Variants in ZNF423 observed in about 807,000 individuals in gnomAD.
ZNF423 encodes the protein zinc finger protein 423.
Under a neutral mutation model 95.8 loss-of-function variants are expected in ZNF423, and 12 were observed. The observed-to-expected ratio is 0.13, with a 90% CI of 0.08 to 0.20. ZNF423 has a LOEUF of 0.20. ZNF423 is among the 10% of genes least tolerant of loss of function. The pLI is 1.00. For synonymous variants in ZNF423, 749 were observed against 711.9 expected (o/e 1.05, Z -0.83); for missense variants, 1,316 against 1,737.1 (o/e 0.76, Z 4.31).
Position 49,636,432 on chromosome 16 carries a change from C to T in ZNF423, c.2744G>A (p.Arg915Gln), listed in dbSNP as rs747731796. The T allele has an allele frequency of 1.2e-6, 2 of 1,613,416 alleles. No individual in the cohort carries two copies. The highest frequency in any genetic ancestry group is 1.7e-6 in the Non-Finnish European group (2 of 1,180,032). ...MEVLLQNHRL[R>Q]DHNIRPGEDD... ...CTCGCCCGGCCGGATATTGTGGTCC[C>T]GCAGCCGGTGATTCTGCAGCAGCAC... Residue 915 changes from arginine (R) to glutamine (Q), a missense_variant, in exon 4 of 8, where the codon CGG becomes CAG. This residue lies in a region of ZNF423 where 620 missense variants were observed against 775.6 expected (regional missense o/e 0.80). Coordinates refer to ENST00000563137, the MANE Select transcript of ZNF423 (RefSeq NM_001379286.1). The surrounding 1 kb of genome is among the most constrained non-coding windows in gnomAD (Gnocchi z 8.6).
chr16:49,592,794 G>A (rs554223317), intron 5 of ZNF423, among the ~76,000 whole-genome samples: 1 of 152,146 alleles, frequency 6.6e-6, no homozygotes. Flanking sequence ...CTATCCCCTC[G>A]CCTCCCCTCC....
intron 1 of ZNF423, among the ~76,000 whole-genome samples, chr16:49,801,982 G>A (rs555883218): frequency 6.6e-6 from 1 of 152,216 alleles, no homozygotes; most frequent in South Asian, 2.1e-4. Flanking sequence ...CCAAGTAGCT[G>A]AGACTAGAGG....
Position 49,682,373 on chromosome 16 carries a change from C to T in ZNF423, c.302-43499G>A, listed in dbSNP as rs908955408. 8.5e-5 allele frequency among the ~76,000 whole-genome samples: 13 copies of T among 152,330 alleles called. 1 individual carries two copies. Among genetic ancestry groups the T allele is most frequent in the African/African-American group, 2.9e-4 (12 of 41,574 alleles). On this transcript the variant is annotated intron_variant, in intron 3 of 7. Transcript: ENST00000563137. ...GGCTGGCCGAGCACATCCCACCCCT[C>T]CTGCTCAGGAAAGGAGGGTGGGTGC...
At chr16:49,534,375 G>A (rs545984437) in intron 5 of ZNF423, among the ~76,000 whole-genome samples, 14 of 152,030 alleles carry the variant, frequency 9.2e-5, no homozygotes, top group African/African-American at 3.1e-4. Flanking sequence ...TGCCTTAGCC[G>A]CCCAAGTAGG....
chr16:49,514,960 G>T (rs890586900), intron 7 of ZNF423, among the ~76,000 whole-genome samples: 1 of 152,244 alleles, frequency 6.6e-6, no homozygotes, highest in African/African-American at 2.4e-5. Context: ...GATCCCAGAA[G>T]TTCTATGTCT....
chr16:49,751,555 T>A (rs1309482177), intron 2 of ZNF423, among the ~76,000 whole-genome samples: 1 of 152,182 alleles, frequency 6.6e-6, no homozygotes, highest in African/African-American at 2.4e-5. Context: ...ATTTCTAACA[T>A]GAGAGTTCTG....
chr16:49,770,738 T>C (rs2143705944), intron 2 of ZNF423, among the ~76,000 whole-genome samples: 1 of 152,258 alleles, frequency 6.6e-6, no homozygotes, highest in East Asian at 1.9e-4. Flanking sequence ...AGTGCGGGCC[T>C]ACAAGAGATC....
chr16:49,555,373 A>G (rs1969784157), intron 5 of ZNF423, among the ~76,000 whole-genome samples: 1 of 152,220 alleles, frequency 6.6e-6, no homozygotes, highest in African/African-American at 2.4e-5. Flanking sequence ...GGCAACATTT[A>G]CTGAGCCCTT....
At chr16:49,643,786 T>G (rs1973064809) in intron 3 of ZNF423, among the ~76,000 whole-genome samples, 1 of 152,164 alleles carries the variant, frequency 6.6e-6, no homozygotes, top group Non-Finnish European at 1.5e-5. Flanking sequence ...GCTTTTGCTG[T>G]CTGCTGCAGG....
At chr16:49,568,888 T>TC (rs1970274547) in intron 5 of ZNF423, among the ~76,000 whole-genome samples, 1 of 151,982 alleles carries the variant, frequency 6.6e-6, no homozygotes, top group Non-Finnish European at 1.5e-5. Context: ...CCTCGTCTGC[T>TC]CCCCAAAGCT....
chr16:49,570,404 G>A (rs1183444943), intron 5 of ZNF423, among the ~76,000 whole-genome samples: 1 of 152,130 alleles, frequency 6.6e-6, no homozygotes, highest in Non-Finnish European at 1.5e-5. Context: ...GAGCACCACA[G>A]AGCTAAAAAT....
intron 3 of ZNF423, among the ~76,000 whole-genome samples, chr16:49,644,033 G>C (rs531493822): frequency 6.6e-6 from 1 of 152,306 alleles, no homozygotes; most frequent in Non-Finnish European, 1.5e-5. Flanking sequence ...AGCAGTGCAA[G>C]TGGCCGCCCA....
chr16:49,856,423 CCAGGAAAAAAAAA>C (rs2035371138), upstream of ZNF423, among the ~76,000 whole-genome samples: 1 of 113,492 alleles, frequency 8.8e-6, no homozygotes, highest in Admixed American at 8.3e-5. Context: ...TCAGTACCCC[CCAGGAAAAAAAAA>C]AAAAAGAAGC....
chr16:49,564,317 T>C (rs1398369376), intron 5 of ZNF423, among the ~76,000 whole-genome samples: 7 of 146,680 alleles, frequency 4.8e-5, no homozygotes, highest in Admixed American at 1.4e-4. Flanking sequence ...TAAGTACATA[T>C]CAAAAAAAAA....
chr16:49,550,493 C>T (rs920356653), intron 5 of ZNF423, among the ~76,000 whole-genome samples: 2 of 152,258 alleles, frequency 1.3e-5, no homozygotes, highest in African/African-American at 2.4e-5. Flanking sequence ...AACTGAGGCT[C>T]GGAAAGAGAA....
intron 7 of ZNF423, among the ~76,000 whole-genome samples, chr16:49,500,687 G>C (rs898262538): frequency 1.4e-4 from 21 of 152,044 alleles, no homozygotes; most frequent in Non-Finnish European, 2.8e-4. Context: ...GGCTGAAGTG[G>C]GAGGATCACT....
chr16:49,658,816 C>G (rs957205247), intron 3 of ZNF423, among the ~76,000 whole-genome samples: 20 of 152,322 alleles, frequency 1.3e-4, no homozygotes, highest in Non-Finnish European at 1.8e-4. Flanking sequence ...GTGGGTCCCC[C>G]ACCCTTTCCC....
chr16:49,696,582 G>A lies in ZNF423; in HGVS notation c.301+34189C>T, dbSNP rs2031980562. ...TGGCCTCTCCCCTAGCCCCTTTGAA[G>A]TGCCCAGCATGGGGTGGGCTGGAAG... is the stretch of plus-strand genomic sequence containing the variant. On this transcript the variant is annotated intron_variant, in intron 3 of 7. Transcript: ENST00000563137. Among the ~76,000 whole-genome samples the A allele has an allele frequency of 2.6e-5, 4 of 152,300 alleles. No homozygotes were observed. The South Asian group carries it at 8.3e-4, about 32-fold the overall frequency.
At position 49,607,103 on chromosome 16, in the gene ZNF423, CAGTTGAGAG is replaced by C. The variant is rs144551046; in HGVS notation, c.3601+19058_3601+19066del. Among the ~76,000 whole-genome samples the C allele has an allele frequency of 7.2e-4, 101 of 140,712 alleles. No individual in the cohort carries two copies. The East Asian group carries it at 0.016, about 22-fold the overall frequency. 92.3% of individuals were successfully genotyped at this position (140,712 alleles called of 152,430 possible). A position where few individuals can be genotyped will look rare whatever the true frequency, so the allele number is the denominator to read the frequency against. On this transcript the variant is annotated intron_variant, in intron 5 of 7. Transcript: ENST00000563137. ...TTTTTTTTTGTAAAACAGATCTTGA[CAGTTGAGAG>C]AGTCAGAGTCCTTCATTCACACAGG...
Sources: allele counts gnomAD v4.1 joint callset (sites outside exome capture counted in the v4.1 genomes callset), GRCh38; gene constraint gnomAD v4.1.1; regional missense constraint gnomAD v4.1.1; non-coding constraint Gnocchi (gnomAD v3.1); transcripts MANE v1.5; gene names NCBI Gene and HGNC (gene_info 2026-07-23, HGNC 2026-07-21).